TMEFF1: variants seen among roughly 807,000 people sequenced by gnomAD.
TMEFF1 encodes the protein transmembrane protein with EGF like and two follistatin like domains 1.
A neutral mutation model predicts 47.5 loss-of-function variants in TMEFF1; 20 were observed. The observed-to-expected ratio is 0.42, with a 90% CI of 0.30 to 0.61. The LOEUF (loss-of-function observed/expected upper bound fraction) is 0.61, where lower values mean the gene tolerates loss of function less well. Among genes scored for constraint, TMEFF1 ranks in the 20% least tolerant of loss-of-function variants. The pLI, the probability that TMEFF1 is intolerant of heterozygous loss-of-function variation, is 0.19. For synonymous variants in TMEFF1, 162 were observed against 166.3 expected, an observed-to-expected ratio of 0.97 and a Z score of 0.20; for missense variants, 411 against 471.1, an observed-to-expected ratio of 0.87 and a Z score of 1.18.
At chr9:100,521,899 T>C (rs1387975569) in intron 5 of TMEFF1, among the ~76,000 whole-genome samples, 1 of 152,250 alleles carries the variant, frequency 6.6e-6, no homozygotes, top group Non-Finnish European at 1.5e-5. Flanking sequence ...GATATAAATA[T>C]CTCAGAGTTG....
chr9:100,532,740 A>T (rs944461504), intron 5 of TMEFF1, among the ~76,000 whole-genome samples: 1 of 152,044 alleles, frequency 6.6e-6, no homozygotes, highest in Non-Finnish European at 1.5e-5. Context: ...ATTACTGGGT[A>T]TATACCCAAA....
intron 9 of TMEFF1, among the ~76,000 whole-genome samples, chr9:100,574,025 T>G (rs1462585657): frequency 2.0e-5 from 3 of 152,260 alleles, no homozygotes; most frequent in Non-Finnish European, 4.4e-5. Context: ...GTCATCCGAC[T>G]AGTAAGTGGA....
intron 7 of TMEFF1, among the ~76,000 whole-genome samples, chr9:100,555,735 C>G (rs1838903623): frequency 6.6e-6 from 1 of 152,158 alleles, no homozygotes; most frequent in South Asian, 2.1e-4. Context: ...ACAGTCTCAC[C>G]ATTGGTGAGA....
At chr9:100,495,639 A>C (rs1248062059) in intron 1 of TMEFF1, among the ~76,000 whole-genome samples, 2 of 152,204 alleles carry the variant, frequency 1.3e-5, no homozygotes, top group African/African-American at 4.8e-5. Context: ...ATGATAAACT[A>C]ATCACATTTA....
chr9:100,535,985 T>G (rs1288020558), intron 5 of TMEFF1, among the ~76,000 whole-genome samples: 4 of 152,226 alleles, frequency 2.6e-5, no homozygotes, highest in Non-Finnish European at 4.4e-5. Context: ...GACAAATATA[T>G]ATTTAGATTT....
At chr9:100,525,122 A>G (rs1838232498) in intron 5 of TMEFF1, among the ~76,000 whole-genome samples, 1 of 152,136 alleles carries the variant, frequency 6.6e-6, no homozygotes, top group Admixed American at 6.5e-5. Flanking sequence ...CACCTTGTAT[A>G]TAGCTGTCAT....
At chr9:100,540,524 T>C (rs915393126) in intron 5 of TMEFF1, among the ~76,000 whole-genome samples, 2 of 150,250 alleles carry the variant, frequency 1.3e-5, no homozygotes, top group African/African-American at 4.9e-5. Context: ...ACCTCCCCGC[T>C]AGCAGAGGGA....
At chr9:100,484,270 A>G (rs138040441) in intron 1 of TMEFF1, among the ~76,000 whole-genome samples, 104 of 152,054 alleles carry the variant, frequency 6.8e-4, no homozygotes, top group African/African-American at 2.4e-3. Context: ...GTTTTCGACT[A>G]TAGTCACAAG....
In TMEFF1 at chr9:100,513,309, A is replaced by G; in HGVS notation, c.439A>G (p.Asn147Asp). ...VIARGPCYSD[N>D]GSGSGEGEEE... is the part of the protein sequence containing the mutation. ...TCATTCTTTGTTTTTCTTCTCAGAT[A>G]ATGGATCTGGATCTGGAGAAGGAGG... The change falls in exon 4 of 10, where the codon AAT becomes GAT. Residue 147 changes from asparagine (N) to aspartate (D), a missense_variant and splice_region_variant. Transcript: ENST00000374879. 1 of 1,597,956 alleles carries G rather than the reference A, an allele frequency of 6.3e-7. No homozygotes were observed. Among genetic ancestry groups the G allele is most frequent in the Non-Finnish European group, 8.5e-7 (1 of 1,174,272 alleles).
intron 5 of TMEFF1, among the ~76,000 whole-genome samples, chr9:100,530,563 A>G (rs1290769267): frequency 6.6e-6 from 1 of 152,202 alleles, no homozygotes; most frequent in Non-Finnish European, 1.5e-5. Context: ...GAATAGACCA[A>G]TAACAGGATC....
intron 5 of TMEFF1, among the ~76,000 whole-genome samples, chr9:100,534,753 G>A (rs903946817): frequency 1.3e-5 from 2 of 152,128 alleles, no homozygotes; most frequent in African/African-American, 4.8e-5. Flanking sequence ...ATTTGATCAA[G>A]GCATTTCCTG....
At chr9:100,519,658 T>TC (rs1838128834) in intron 5 of TMEFF1, among the ~76,000 whole-genome samples, 1 of 136,002 alleles carries the variant, frequency 7.4e-6, no homozygotes, top group Non-Finnish European at 1.6e-5. Flanking sequence ...TTTTTTTTTT[T>TC]TTTTTTTTTT....
At chr9:100,546,063 CA>C (rs1183086048) in intron 5 of TMEFF1, among the ~76,000 whole-genome samples, 1 of 152,202 alleles carries the variant, frequency 6.6e-6, no homozygotes, top group African/African-American at 2.4e-5. Context: ...CAAACTGTTC[CA>C]ACTCGTGCCT....
intron 5 of TMEFF1, among the ~76,000 whole-genome samples, chr9:100,541,575 C>T (rs575611472): frequency 2.0e-5 from 3 of 151,690 alleles, no homozygotes; most frequent in East Asian, 1.9e-4. Context: ...GGTTTCACTA[C>T]GTTGGCCAGG....
At chr9:100,531,163 T>C (rs1838369044) in intron 5 of TMEFF1, among the ~76,000 whole-genome samples, 1 of 152,178 alleles carries the variant, frequency 6.6e-6, no homozygotes, top group Admixed American at 6.5e-5. Flanking sequence ...AGCATTCCCT[T>C]TGAAAACGGG....
chr9:100,563,304 C>T (rs1839058100), intron 8 of TMEFF1, among the ~76,000 whole-genome samples: 1 of 152,206 alleles, frequency 6.6e-6, no homozygotes, highest in Non-Finnish European at 1.5e-5. Context: ...GTTTGTCCTA[C>T]AGTGGCATGG....
intron 2 of TMEFF1, among the ~76,000 whole-genome samples, chr9:100,504,673 T>A (rs1257379975): frequency 6.6e-6 from 1 of 152,242 alleles, no homozygotes; most frequent in Non-Finnish European, 1.5e-5. Flanking sequence ...TGTACACCAT[T>A]GAACATGGTG....
At chr9:100,525,447 A>T (rs1402223248) in intron 5 of TMEFF1, among the ~76,000 whole-genome samples, 2 of 152,170 alleles carry the variant, frequency 1.3e-5, no homozygotes, top group South Asian at 2.1e-4. Flanking sequence ...ACAAATGATC[A>T]GCCAGATGAA....
intron 7 of TMEFF1, among the ~76,000 whole-genome samples, chr9:100,553,243 T>C (rs1838858381): frequency 6.6e-6 from 1 of 152,240 alleles, no homozygotes; most frequent in Admixed American, 6.5e-5. Context: ...AATGTTCTCA[T>C]AGGAAATAGA....
Sources: allele counts gnomAD v4.1 joint callset (sites outside exome capture counted in the v4.1 genomes callset), GRCh38; gene constraint gnomAD v4.1.1; transcripts MANE v1.5; gene names NCBI Gene and HGNC (gene_info 2026-07-23, HGNC 2026-07-21).